The following ATP11A variants were observed in gnomAD, a reference collection of about 807,000 sequenced individuals.
ATP11A encodes ATPase phospholipid transporting 11A.
ATP11A carries 81 observed loss-of-function variants against 154.4 expected under a neutral mutation model. That is an observed-to-expected ratio of 0.52 (90% confidence interval 0.44 to 0.63). The LOEUF is 0.63. Ranked by LOEUF, ATP11A falls within the 30% of genes least tolerant of loss-of-function variation. The pLI is 0.00. For missense variants in ATP11A, 1,316 were observed against 1,474.3 expected (o/e 0.89, Z 1.76); for synonymous variants, 623 against 585.9 (o/e 1.06, Z -0.91).
intron 1 of ATP11A, among the ~76,000 whole-genome samples, chr13:112,700,356 C>T (rs918821901): frequency 2.0e-5 from 3 of 152,182 alleles, no homozygotes; most frequent in Non-Finnish European, 2.9e-5. Flanking sequence ...CTGGGACAGG[C>T]GGGTCCTGCT....
intron 1 of ATP11A, among the ~76,000 whole-genome samples, chr13:112,775,899 A>G (rs1015658033): frequency 5.3e-5 from 8 of 152,146 alleles, no homozygotes; most frequent in Non-Finnish European, 1.2e-4. Context: ...CAGCCAGAGA[A>G]CAGCAAGTAC....
At chr13:112,752,444 G>A (rs910584542) in intron 1 of ATP11A, among the ~76,000 whole-genome samples, 162 of 152,270 alleles carry the variant, frequency 1.1e-3, no homozygotes, top group African/African-American at 3.8e-3. Flanking sequence ...CCCGGCGGGC[G>A]CCCCTGTGTG....
Position 112,785,506 on chromosome 13 carries a change from G to A in ATP11A, c.162+249G>A, listed in dbSNP as rs1031543844. On this transcript the variant is annotated intron_variant, in intron 2 of 29. Coordinates refer to ENST00000375645, the MANE Select transcript of ATP11A (RefSeq NM_015205.3). This position sits in a 1 kb window ranked among gnomAD's most constrained non-coding sequence, Gnocchi z 4.8. ...GCAGTGTCTCCATTCTCGGGTGACCGTGCCACAGAGGCAGTGCAGGTCTGA... is the reference window on the plus strand; with the variant it reads ...GCAGTGTCTCCATTCTCGGGTGACCATGCCACAGAGGCAGTGCAGGTCTGA... Among the ~76,000 whole-genome samples the A allele has an allele frequency of 2.6e-5, 4 of 152,044 alleles. No homozygotes were observed. The highest frequency in any genetic ancestry group is 6.5e-5 in the Admixed American group (1 of 15,278).
At chr13:112,841,444 C>T (rs867700013) in intron 16 of ATP11A, among the ~76,000 whole-genome samples, 1 of 144,338 alleles carries the variant, frequency 6.9e-6, no homozygotes, top group African/African-American at 2.6e-5. Flanking sequence ...GCTTCAGGTG[C>T]AGAGGGGGCT....
At chr13:112,832,058 C>T (rs1289252694) in intron 13 of ATP11A, among the ~76,000 whole-genome samples, 1 of 152,132 alleles carries the variant, frequency 6.6e-6, no homozygotes, top group Non-Finnish European at 1.5e-5. Context: ...ACTGTGTGCA[C>T]ACATGCTCAC....
intron 1 of ATP11A, among the ~76,000 whole-genome samples, chr13:112,708,024 A>C (rs1566359540): frequency 6.6e-6 from 1 of 152,216 alleles, no homozygotes; most frequent in Non-Finnish European, 1.5e-5. Context: ...ATTCTTCTCC[A>C]TGACAAAGCC....
At chr13:112,814,315 G>A (rs112075337) in intron 5 of ATP11A, among the ~76,000 whole-genome samples, 6 of 151,742 alleles carry the variant, frequency 4.0e-5, no homozygotes, top group African/African-American at 4.8e-5. Context: ...TGCCTGCCTC[G>A]GCCTCCCAAA....
intron 1 of ATP11A, among the ~76,000 whole-genome samples, chr13:112,768,033 G>A (rs377312049): frequency 1.3e-3 from 203 of 152,294 alleles, no homozygotes; most frequent in East Asian, 5.8e-3. Context: ...TGGCAGCCCC[G>A]TCACCCCTGG....
At chr13:112,837,542 T>C (rs1566552256) in intron 16 of ATP11A, among the ~76,000 whole-genome samples, 1 of 152,156 alleles carries the variant, frequency 6.6e-6, no homozygotes. Flanking sequence ...TTCAGAGCCC[T>C]CCACGCAGCG....
At chr13:112,768,486 G>A (rs2077150262) in intron 1 of ATP11A, among the ~76,000 whole-genome samples, 1 of 152,220 alleles carries the variant, frequency 6.6e-6, no homozygotes, top group Non-Finnish European at 1.5e-5. Flanking sequence ...TTCTGTGTAT[G>A]CTGTTATCCA....
chr13:112,740,725 C>G (rs766987550), intron 1 of ATP11A, among the ~76,000 whole-genome samples: 1 of 152,208 alleles, frequency 6.6e-6, no homozygotes, highest in Non-Finnish European at 1.5e-5. Context: ...CCACCGGTCT[C>G]CTCCCCACAG....
At chr13:112,801,368 C>T (rs965650075) in intron 2 of ATP11A, among the ~76,000 whole-genome samples, 1 of 147,214 alleles carries the variant, frequency 6.8e-6, no homozygotes, top group African/African-American at 2.5e-5. Context: ...ATGATTTCAC[C>T]CTAAGATTGG....
chr13:112,877,282 C>T (rs1196110087), intron 28 of ATP11A, among the ~76,000 whole-genome samples: 8 of 152,310 alleles, frequency 5.3e-5, no homozygotes, highest in Admixed American at 3.9e-4. Context: ...GGAAACTCAC[C>T]GGCCCCAAGC....
At chr13:112,783,101 A>G (rs2077538752) in intron 1 of ATP11A, among the ~76,000 whole-genome samples, 1 of 152,170 alleles carries the variant, frequency 6.6e-6, no homozygotes, top group South Asian at 2.1e-4. Flanking sequence ...TATTAAAGCA[A>G]ATGTGCAGAC....
Position 112,824,221 on chromosome 13 carries a change from T to A in ATP11A, c.791-123T>A, listed in dbSNP as rs2078874173. ...TGTTATGTGGCTATGGACACTAGCTTATGAAATTAAAAATAGGATTCGCTT... is the reference window on the plus strand; with the variant it reads ...TGTTATGTGGCTATGGACACTAGCTAATGAAATTAAAAATAGGATTCGCTT... On this transcript the variant is annotated intron_variant, in intron 9 of 29. Coordinates refer to ENST00000375645, the MANE Select transcript of ATP11A (RefSeq NM_015205.3). 3 of 752,348 alleles carry A rather than the reference T, an allele frequency of 4.0e-6. No individual in the cohort carries two copies. The South Asian group carries it at 4.7e-5, about 12-fold the overall frequency. The allele number at this position is 752,348 out of a possible 1,614,324, so 46.6% of individuals were successfully genotyped here.
chr13:112,805,574 G>T (rs1172818698), intron 3 of ATP11A, among the ~76,000 whole-genome samples: 3 of 151,822 alleles, frequency 2.0e-5, no homozygotes. Flanking sequence ...TACGCGGGAG[G>T]CTGAGGCAGG....
chr13:112,876,996 C>T (rs898862960), intron 28 of ATP11A, among the ~76,000 whole-genome samples: 3 of 152,216 alleles, frequency 2.0e-5, no homozygotes, highest in Non-Finnish European at 4.4e-5. Flanking sequence ...AAACCGATGC[C>T]ACCAGTTCCC....
Position 112,885,021 on chromosome 13 carries a change from GCTCCTGCACA to G in ATP11A, c.*3157_*3166del, listed in dbSNP as rs1448078525. 3.3e-5 allele frequency: 5 copies of G among 152,276 alleles called. No homozygotes were observed. Among genetic ancestry groups the G allele is most frequent in the African/African-American group, 1.2e-4 (5 of 41,462 alleles). The allele number at this position is 152,276 out of a possible 1,614,324, so 9.4% of individuals were successfully genotyped here. On this transcript the variant is annotated 3_prime_UTR_variant, in exon 30 of 30. Coordinates refer to ENST00000375645, the MANE Select transcript of ATP11A (RefSeq NM_015205.3). The stretch of plus-strand genomic sequence containing the variant: ...ACATGTACCCACCACAAACGTGCAA[GCTCCTGCACA>G]CATGCATGCACACAAACGTGTACAC...
At chr13:112,864,182 G>A (rs1275402888) in intron 25 of ATP11A, among the ~76,000 whole-genome samples, 2 of 121,568 alleles carry the variant, frequency 1.6e-5, no homozygotes, top group Non-Finnish European at 3.6e-5. Context: ...ATTCAGTGCA[G>A]CACGTGCAGC....
Sources: allele counts gnomAD v4.1 joint callset (sites outside exome capture counted in the v4.1 genomes callset), GRCh38; gene constraint gnomAD v4.1.1; non-coding constraint Gnocchi (gnomAD v3.1); transcripts MANE v1.5; gene names NCBI Gene and HGNC (gene_info 2026-07-23, HGNC 2026-07-21).